The following GRK3 variants were observed in gnomAD, a reference collection of about 807,000 sequenced individuals.
GRK3 encodes G protein-coupled receptor kinase 3.
In GRK3, 54 loss-of-function variants were observed where a neutral mutation model predicts 95.7. That is an observed-to-expected ratio of 0.56 (90% CI 0.45 to 0.71). The LOEUF (loss-of-function observed/expected upper bound fraction) is 0.71, where lower values mean the gene tolerates loss of function less well. Ranked by LOEUF, GRK3 falls within the 30% of genes least tolerant of loss-of-function variation. GRK3 has a pLI of 0.00. For missense variants in GRK3, 649 were observed against 851.2 expected (o/e 0.76, Z 2.96); for synonymous variants, 281 against 290.8 (o/e 0.97, Z 0.34).
chr22:25,648,917 G>T, intron 3 of GRK3: 1 of 883,596 alleles, frequency 1.1e-6, no homozygotes, highest in South Asian at 1.3e-5. Flanking sequence ...CAATCAAATG[G>T]ACAGCTCCTG....
intron 2 of GRK3, among the ~76,000 whole-genome samples, chr22:25,627,621 T>C (rs368237543): frequency 1.1e-4 from 17 of 152,346 alleles, no homozygotes; most frequent in African/African-American, 3.8e-4. Flanking sequence ...CCAACGTTCA[T>C]TGAGCCAATT....
At chr22:25,705,335 G>A (rs2085291661) in intron 15 of GRK3, among the ~76,000 whole-genome samples, 1 of 152,006 alleles carries the variant, frequency 6.6e-6, no homozygotes, top group Non-Finnish European at 1.5e-5. Flanking sequence ...TCTGAGTTGA[G>A]GATTTTGACA....
chr22:25,599,411 T>C (rs1007664620), intron 1 of GRK3, among the ~76,000 whole-genome samples: 6 of 151,926 alleles, frequency 3.9e-5, no homozygotes, highest in Admixed American at 6.6e-5. Flanking sequence ...GCTAACATGG[T>C]GAAACCCCGT....
intron 13 of GRK3, among the ~76,000 whole-genome samples, chr22:25,701,240 C>T (rs1025696292): frequency 5.9e-5 from 9 of 152,186 alleles, no homozygotes; most frequent in East Asian, 1.9e-4. Flanking sequence ...GGAGCAGCTG[C>T]GATCACACAG....
chr22:25,620,289 C>A (rs2084574638), intron 2 of GRK3, among the ~76,000 whole-genome samples: 1 of 151,950 alleles, frequency 6.6e-6, no homozygotes, highest in African/African-American at 2.4e-5. Context: ...AAAAAGCTGG[C>A]CCTCCCACCC....
intron 7 of GRK3, 70 bp from the exon 8 acceptor site, chr22:25,674,367 A>C (rs1334681874): frequency 6.3e-6 from 8 of 1,264,706 alleles, no homozygotes; most frequent in Non-Finnish European, 9.1e-6. Context: ...TATGTTTTGC[A>C]TGAAAAAATC....
intron 18 of GRK3, among the ~76,000 whole-genome samples, chr22:25,715,997 T>C (rs2085381132): frequency 6.6e-6 from 1 of 152,190 alleles, no homozygotes; most frequent in Non-Finnish European, 1.5e-5. Context: ...AGCTCTTCTT[T>C]TTTTTTCTAG....
chr22:25,671,626 G>A (rs2084983862), intron 6 of GRK3, among the ~76,000 whole-genome samples: 1 of 152,196 alleles, frequency 6.6e-6, no homozygotes, highest in Non-Finnish European at 1.5e-5. Context: ...CCTTGGCCAA[G>A]CCTCTGAACA....
intron 12 of GRK3, among the ~76,000 whole-genome samples, chr22:25,694,900 T>A (rs1217577708): frequency 6.6e-6 from 1 of 152,240 alleles, no homozygotes; most frequent in Non-Finnish European, 1.5e-5. Context: ...TACGCTTATT[T>A]ATGTTAATTC....
At chr22:25,649,350 A>G in intron 3 of GRK3, 1 of 612,922 alleles carries the variant, frequency 1.6e-6, no homozygotes, top group Non-Finnish European at 2.9e-6. Context: ...TTTAATGGTA[A>G]ACTGGAGTCC....
At chr22:25,594,000 C>T (rs1397840662) in intron 1 of GRK3, among the ~76,000 whole-genome samples, 4 of 152,174 alleles carry the variant, frequency 2.6e-5, no homozygotes, top group African/African-American at 4.8e-5. Context: ...GTTTTGGTTA[C>T]TGTAGCCTTA....
intron 8 of GRK3, among the ~76,000 whole-genome samples, chr22:25,678,578 A>G (rs1342726592): frequency 6.6e-6 from 1 of 152,260 alleles, no homozygotes; most frequent in Non-Finnish European, 1.5e-5. Flanking sequence ...CTACTTTATC[A>G]TTTATTTAAC....
intron 1 of GRK3, among the ~76,000 whole-genome samples, chr22:25,566,213 A>AT (rs1931476160): frequency 6.6e-6 from 1 of 152,204 alleles, no homozygotes; most frequent in Non-Finnish European, 1.5e-5. Context: ...AGCTCTTGGA[A>AT]TTGATGCTCA....
Position 25,724,453 on chromosome 22 carries a change from ATC to A in GRK3, c.*2007_*2008del, listed in dbSNP as rs564469065. The A allele has an allele frequency of 5.3e-4, 81 of 152,366 alleles. No individual in the cohort carries two copies. Among genetic ancestry groups the A allele is most frequent in the African/African-American group, 1.9e-3 (77 of 41,582 alleles). 9.4% of individuals were successfully genotyped at this position (152,366 alleles called of 1,614,324 possible). A position where few individuals can be genotyped will look rare whatever the true frequency, so the allele number is the denominator to read the frequency against. On this transcript the variant is annotated 3_prime_UTR_variant, in exon 21 of 21. Coordinates refer to ENST00000324198, the MANE Select transcript of GRK3 (RefSeq NM_005160.4). ...TTGTTCTAAAATTGAGCTGATCCGC[ATC>A]TCTTTCAAAAACTAGAATTTCTGCT...
chr22:25,651,110 A>C (rs1044810570), intron 3 of GRK3, among the ~76,000 whole-genome samples: 2 of 152,208 alleles, frequency 1.3e-5, no homozygotes, highest in South Asian at 2.1e-4. Flanking sequence ...CTGAAGTGCA[A>C]AAGTGAAACA....
chr22:25,681,270 A>G (rs1473069509), intron 9 of GRK3, among the ~76,000 whole-genome samples: 2 of 152,120 alleles, frequency 1.3e-5, no homozygotes, highest in African/African-American at 4.8e-5. Flanking sequence ...GAAAGGGAAA[A>G]GATGTATTAT....
intron 7 of GRK3, among the ~76,000 whole-genome samples, chr22:25,673,245 G>A (rs941351469): frequency 6.6e-6 from 1 of 152,054 alleles, no homozygotes; most frequent in Non-Finnish European, 1.5e-5. Flanking sequence ...GTATTTTTTA[G>A]TAGAGATGGG....
intron 5 of GRK3, 40 bp from the exon 6 acceptor site, chr22:25,667,699 C>T (rs373998869): frequency 8.3e-6 from 12 of 1,453,076 alleles, no homozygotes; most frequent in East Asian, 6.8e-5. Context: ...TGATACATTC[C>T]GATTCATTCA....
At chr22:25,677,910 T>C (rs778898481) in intron 8 of GRK3, among the ~76,000 whole-genome samples, 6 of 152,262 alleles carry the variant, frequency 3.9e-5, no homozygotes, top group Non-Finnish European at 8.8e-5. Context: ...TTTCTAAATA[T>C]GAGTTTGTTC....
Sources: allele counts gnomAD v4.1 joint callset (sites outside exome capture counted in the v4.1 genomes callset), GRCh38; gene constraint gnomAD v4.1.1; transcripts MANE v1.5; gene names NCBI Gene and HGNC (gene_info 2026-07-23, HGNC 2026-07-21).